The following NIT2 variants were observed in gnomAD, a reference collection of about 807,000 sequenced individuals.
NIT2 encodes omega-amidase NIT2.
Under a neutral mutation model 42.7 loss-of-function variants are expected in NIT2, and 46 were observed. The observed-to-expected ratio is 1.08, with a 90% CI of 0.85 to 1.38. The LOEUF (loss-of-function observed/expected upper bound fraction) is 1.38. Among genes scored for constraint, NIT2 ranks in the 40% most tolerant of loss-of-function variants. NIT2 has a pLI of 0.00. For synonymous variants in NIT2, 123 were observed against 121.9 expected (o/e 1.01, Z -0.06); for missense variants, 309 against 342.5 (o/e 0.90, Z 0.77).
At chr3:100,351,374 A>C (rs1329969375) in intron 7 of NIT2, among the ~76,000 whole-genome samples, 3 of 152,222 alleles carry the variant, frequency 2.0e-5, no homozygotes, top group African/African-American at 4.8e-5. Context: ...AGGCTACAGT[A>C]ATCAAAACAG....
intron 4 of NIT2, among the ~76,000 whole-genome samples, chr3:100,344,213 T>G (rs928465334): frequency 6.6e-6 from 1 of 152,246 alleles, no homozygotes; most frequent in African/African-American, 2.4e-5. Flanking sequence ...TCACAGCAAC[T>G]GGGACCTTGC....
chr3:100,351,121 G>C (rs1559825539), intron 7 of NIT2, among the ~76,000 whole-genome samples: 3 of 152,088 alleles, frequency 2.0e-5, no homozygotes, highest in South Asian at 4.2e-4. Flanking sequence ...GGACATTTGG[G>C]TTGGTTCCAA....
chr3:100,354,716 C>A, intron 8 of NIT2, 56 bp from the exon 9 acceptor site: 1 of 1,433,802 alleles, frequency 7.0e-7, no homozygotes, highest in Non-Finnish European at 9.6e-7. Flanking sequence ...AAACAGAGAC[C>A]TTGAATATCA....
chr3:100,339,746 C>T, intron 2 of NIT2, 69 bp from the exon 3 acceptor site: 2 of 1,497,566 alleles, frequency 1.3e-6, no homozygotes, highest in South Asian at 1.3e-5. Flanking sequence ...CAGCTATGGC[C>T]TCTTACAGCA....
chr3:100,345,990 C>A, intron 5 of NIT2, 191 bp from the exon 6 acceptor site: 1 of 605,908 alleles, frequency 1.7e-6, no homozygotes, highest in South Asian at 2.0e-5. Flanking sequence ...CTTTACTCCG[C>A]TGATGTAAAT....
chr3:100,336,378 C>G (rs529023417), intron 1 of NIT2, among the ~76,000 whole-genome samples: 51 of 152,094 alleles, frequency 3.4e-4, no homozygotes, highest in African/African-American at 1.2e-3. Context: ...TTAGGTGGAA[C>G]GAGAGACTTG....
intron 6 of NIT2, among the ~76,000 whole-genome samples, chr3:100,347,418 A>G (rs543980982): frequency 1.1e-4 from 17 of 152,074 alleles, no homozygotes; most frequent in African/African-American, 4.1e-4. Context: ...AATTTGAATG[A>G]CAGTTCTCTA....
At chr3:100,344,029 T>C (rs1706184399) in intron 4 of NIT2, among the ~76,000 whole-genome samples, 1 of 152,238 alleles carries the variant, frequency 6.6e-6, no homozygotes, top group African/African-American at 2.4e-5. Context: ...TTCTATCTGG[T>C]TGTTCTGCCC....
Position 100,356,230 on chromosome 3 carries a change from T to TA in NIT2, c.*963dup, listed in dbSNP as rs772493011. 4.6e-5 allele frequency: 7 copies of TA among 152,190 alleles called. No individual in the cohort carries two copies. The highest frequency in any genetic ancestry group is 7.3e-5 in the Non-Finnish European group (5 of 68,034). 9.4% of individuals were successfully genotyped at this position (152,190 alleles called of 1,614,324 possible). A position where few individuals can be genotyped will look rare whatever the true frequency, so the allele number is the denominator to read the frequency against. ...TCAAAGACTTCAATGGGTTTTTGCTTACATGGGCCAGTAATTGTTGAACAA... is the reference window on the plus strand; with the variant it reads ...TCAAAGACTTCAATGGGTTTTTGCTTAACATGGGCCAGTAATTGTTGAACAA... On this transcript the variant is annotated 3_prime_UTR_variant, in exon 10 of 10. Coordinates refer to ENST00000394140, the MANE Select transcript of NIT2 (RefSeq NM_020202.5).
chr3:100,355,460 C>T lies in NIT2; in HGVS notation c.*192C>T. 2.0e-6 allele frequency: 1 copy of T among 504,434 alleles called. No homozygotes were observed. The highest frequency in any genetic ancestry group is 3.5e-6 in the Non-Finnish European group (1 of 288,224). 31.2% of individuals were successfully genotyped at this position (504,434 alleles called of 1,614,324 possible). Reference sequence around the variant, plus strand: ...ATTAAATAGTTAAAAAGGATGCAGCCTGGAGCCAGAGAGCAGAAAGCTGGG... The same window carrying T: ...ATTAAATAGTTAAAAAGGATGCAGCTTGGAGCCAGAGAGCAGAAAGCTGGG... On this transcript the variant is annotated 3_prime_UTR_variant, in exon 10 of 10. Transcript: ENST00000394140.
rs1002183753 is a variant in NIT2 at position 100,359,365 on chromosome 3, T to G, written c.*4097T>G. The G allele has an allele frequency of 2.0e-5, 3 of 152,248 alleles. No individual in the cohort carries two copies. The highest frequency in any genetic ancestry group is 6.5e-5 in the Admixed American group (1 of 15,284). 9.4% of individuals were successfully genotyped at this position (152,248 alleles called of 1,614,324 possible). A position where few individuals can be genotyped will look rare whatever the true frequency, so the allele number is the denominator to read the frequency against. ...CTAACTAGGCTTTAAGTCTTTTGTC[T>G]GTAGATTCATTCTCAAAGTTTCTCC... On this transcript the variant is annotated 3_prime_UTR_variant, in exon 10 of 10. Transcript: ENST00000394140.
chr3:100,350,014 G>A (rs1706257904), intron 7 of NIT2: 1 of 152,204 alleles, frequency 6.6e-6, no homozygotes, highest in Non-Finnish European at 1.5e-5. Context: ...AGAGGTTGGT[G>A]AATTTTTGTG....
intron 7 of NIT2, chr3:100,349,129 T>C: frequency 8.4e-6 from 3 of 355,872 alleles, no homozygotes; most frequent in Non-Finnish European, 1.1e-5. Flanking sequence ...TTTTTTTTCT[T>C]TTTAAGAGAC....
chr3:100,337,748 C>T lies in NIT2; in HGVS notation c.8-1339C>T, dbSNP rs139347500. ...GATTACAGGCGTGAGCCATCACACC[C>T]GGCGGAAAATTTTATATAAAAAATT... On this transcript the variant is annotated intron_variant, in intron 1 of 9. Transcript: ENST00000394140. 3.6e-4 allele frequency among the ~76,000 whole-genome samples: 55 copies of T among 152,270 alleles called. 1 individual carries two copies. The East Asian group carries it at 9.1e-3, about 25-fold the overall frequency.
At position 100,360,802 on chromosome 3, in the gene NIT2, G is replaced by A. The variant is rs1390099307; in HGVS notation, c.*5534G>A. 6.6e-6 allele frequency: 1 copy of A among 152,208 alleles called. No individual in the cohort carries two copies. The highest frequency in any genetic ancestry group is 1.5e-5 in the Non-Finnish European group (1 of 68,032). 9.4% of individuals were successfully genotyped at this position (152,208 alleles called of 1,614,324 possible). ...TGTTCCAAACTATCCAATCGAGAAT[G>A]TTCATATAATGACAGCTTTGGAAGG... On this transcript the variant is annotated 3_prime_UTR_variant, in exon 10 of 10. Transcript: ENST00000394140.
chr3:100,347,091 T>G (rs1393127711), intron 6 of NIT2, among the ~76,000 whole-genome samples: 2 of 152,048 alleles, frequency 1.3e-5, no homozygotes, highest in Non-Finnish European at 2.9e-5. Flanking sequence ...TTTTTTTTGT[T>G]TGTTTGTTTG....
chr3:100,353,604 ATGG>A (rs1441153150), intron 8 of NIT2, among the ~76,000 whole-genome samples: 2 of 152,172 alleles, frequency 1.3e-5, no homozygotes, highest in Non-Finnish European at 2.9e-5. Flanking sequence ...CGTGTCATAA[ATGG>A]TGGTGCTTGT....
chr3:100,351,676 C>A (rs534824758), intron 7 of NIT2, among the ~76,000 whole-genome samples: 1 of 152,196 alleles, frequency 6.6e-6, no homozygotes, highest in East Asian at 1.9e-4. Context: ...CTAGGCATTA[C>A]CATTCAGGAC....
chr3:100,341,095 T>G lies in NIT2; in HGVS notation c.270T>G (p.Ala90=), dbSNP rs35533796. The change falls in exon 4 of 10, where the codon GCT becomes GCG. Residue 90 remains alanine, a synonymous_variant. Coordinates refer to ENST00000394140, the MANE Select transcript of NIT2 (RefSeq NM_020202.5). ...AAGGCTCTATCCCTGAAGAGGATGC[T>G]GGGAAATTATATAACACCTGTGCTG... is the stretch of plus-strand genomic sequence containing the variant. ...LIGGSIPEED[A]GKLYNTCAVF... 649 of 1,613,182 alleles carry G rather than the reference T, an allele frequency of 4.0e-4. 7 individuals carry two copies. The African/African-American group carries it at 7.9e-3, about 20-fold the overall frequency.
Sources: gnomAD v4.1 joint callset for allele counts (sites outside exome capture counted in the v4.1 genomes callset) on GRCh38, gnomAD v4.1.1 for gene constraint, MANE v1.5 for transcripts, NCBI Gene and HGNC (gene_info 2026-07-23, HGNC 2026-07-21) for gene names.